Variants in SRPRB observed in about 807,000 individuals in gnomAD.
The protein encoded by SRPRB is signal recognition particle receptor subunit beta.
Under a neutral mutation model 31.9 loss-of-function variants are expected in SRPRB, and 20 were observed. The ratio of observed to expected loss-of-function variants is 0.63; its 90% CI spans 0.44 to 0.91. SRPRB has a LOEUF of 0.91. Among genes scored for constraint, SRPRB ranks in the 40% least tolerant of loss-of-function variants. The probability of loss-of-function intolerance (pLI) is 0.00; values close to 1 mark genes in which losing one functional copy is unlikely to be tolerated. For missense variants in SRPRB, 321 were observed against 324.9 expected (o/e 0.99, Z 0.09); for synonymous variants, 146 against 132.8 (o/e 1.10, Z -0.68).
chr3:133,789,085 T>A (rs906637994), intron 1 of SRPRB: 3 of 152,336 alleles, frequency 2.0e-5, no homozygotes, highest in Non-Finnish European at 4.4e-5. Context: ...CTGACACTCT[T>A]AAGACTGGAC....
chr3:133,811,781 A>T (rs1935267282), intron 4 of SRPRB, among the ~76,000 whole-genome samples: 3 of 152,102 alleles, frequency 2.0e-5, no homozygotes, highest in Middle Eastern at 3.4e-3. Context: ...ATGGGGTTTC[A>T]CCATGTTGGC....
chr3:133,810,236 A>G (rs1324176909), intron 3 of SRPRB: 3 of 152,230 alleles, frequency 2.0e-5, no homozygotes, highest in Non-Finnish European at 4.4e-5. Context: ...AGGTAAGGTC[A>G]TAATAAACCC....
downstream of SRPRB, chr3:133,825,203 T>C (rs1391941567): frequency 6.6e-6 from 1 of 152,166 alleles, no homozygotes; most frequent in Non-Finnish European, 1.5e-5. Context: ...CCTTCCATCT[T>C]GTGAAGGAAT....
At chr3:133,814,378 G>A (rs576632308) in intron 4 of SRPRB, among the ~76,000 whole-genome samples, 49 of 151,998 alleles carry the variant, frequency 3.2e-4, no homozygotes, top group Non-Finnish European at 3.4e-4. Flanking sequence ...TGATCCGCCC[G>A]CCTCGGCTTC....
chr3:133,819,749 C>T lies in SRPRB; in HGVS notation c.799C>T (p.Leu267=). 1 of 1,614,070 alleles carries T rather than the reference C, an allele frequency of 6.2e-7. No homozygotes were observed. Among genetic ancestry groups the T allele is most frequent in the Non-Finnish European group, 8.5e-7 (1 of 1,180,010 alleles). The change falls in exon 7 of 7, where the codon CTG becomes TTG. Residue 267 remains leucine (L), a synonymous_variant. Coordinates refer to ENST00000678299, the MANE Select transcript of SRPRB (RefSeq NM_001379313.1). ...SADIQDLEKW[L]AKIA Reference sequence around the variant, plus strand: ...TGACATCCAGGACTTGGAGAAATGGCTGGCTAAAATTGCCTGAGAGGCAGC... The same window carrying T: ...TGACATCCAGGACTTGGAGAAATGGTTGGCTAAAATTGCCTGAGAGGCAGC...
intron 5 of SRPRB, among the ~76,000 whole-genome samples, chr3:133,816,146 T>C (rs373978275): frequency 4.6e-5 from 7 of 152,314 alleles, no homozygotes; most frequent in East Asian, 1.9e-4. Flanking sequence ...CTGATAACCA[T>C]TGAAAACTTT....
intron 4 of SRPRB, among the ~76,000 whole-genome samples, 176 bp from the exon 5 acceptor site, chr3:133,815,414 T>C (rs928490426): frequency 2.0e-5 from 3 of 152,174 alleles, no homozygotes; most frequent in African/African-American, 7.2e-5. Context: ...TAGCACTCAA[T>C]AGTTCCTTGT....
At chr3:133,823,381 T>C (rs1218535096), downstream of SRPRB, among the ~76,000 whole-genome samples, 1 of 152,140 alleles carries the variant, frequency 6.6e-6, no homozygotes, top group Non-Finnish European at 1.5e-5. Context: ...TGCCTTAGCC[T>C]CCCCAAGTAG....
At position 133,819,821 on chromosome 3, in the gene SRPRB, G is replaced by C; in HGVS notation, c.*55G>C. On this transcript the variant is annotated 3_prime_UTR_variant, in exon 7 of 7. Coordinates refer to ENST00000678299, the MANE Select transcript of SRPRB (RefSeq NM_001379313.1). The stretch of plus-strand genomic sequence containing the variant: ...GTGTGACACACAGTTTTGGAAAAAG[G>C]TCTGTGGTAGTCTGGAGTTGATGAG... 1.3e-6 allele frequency: 2 copies of C among 1,504,868 alleles called. No individual in the cohort carries two copies. The highest frequency in any genetic ancestry group is 1.8e-6 in the Non-Finnish European group (2 of 1,097,244). 93.2% of individuals were successfully genotyped at this position (1,504,868 alleles called of 1,614,324 possible). A position where few individuals can be genotyped will look rare whatever the true frequency, so the allele number is the denominator to read the frequency against.
chr3:133,784,466 TAAAAA>T (rs67395906), intron 1 of SRPRB: 2 of 116,574 alleles, frequency 1.7e-5, no homozygotes, highest in Non-Finnish European at 3.4e-5. Context: ...TCCCATTTGT[TAAAAA>T]AATAATAATA....
intron 1 of SRPRB, chr3:133,794,947 C>T (rs1934929606): frequency 6.6e-6 from 1 of 152,182 alleles, no homozygotes; most frequent in African/African-American, 2.4e-5. Context: ...AGCTTTAGGT[C>T]CTTTTTCCAT....
chr3:133,824,057 C>T (rs73217237), downstream of SRPRB, among the ~76,000 whole-genome samples: 9,101 of 152,232 alleles, frequency 0.06, 364 homozygotes, highest in Non-Finnish European at 0.089. Flanking sequence ...TTTACCCCTT[C>T]GGAGTTGGTG....
chr3:133,807,669 G>A, intron 2 of SRPRB, 77 bp from the exon 3 acceptor site: 1 of 965,436 alleles, frequency 1.0e-6, no homozygotes, highest in Non-Finnish European at 1.7e-6. Context: ...CTTACACCTG[G>A]GAGACTTAGA....
At chr3:133,792,549 T>C (rs899168959) in intron 1 of SRPRB, 1 of 152,334 alleles carries the variant, frequency 6.6e-6, no homozygotes, top group African/African-American at 2.4e-5. Context: ...ACAACTAATA[T>C]ATAATTAAAA....
At chr3:133,827,898 G>A (rs1935595227), downstream of SRPRB, 3 of 702,752 alleles carry the variant, frequency 4.3e-6, no homozygotes, top group African/African-American at 1.7e-5. Context: ...ACTGACTGCT[G>A]GGTGGGCTGG....
intron 1 of SRPRB, chr3:133,792,398 C>T (rs771042694): frequency 1.3e-5 from 2 of 152,114 alleles, no homozygotes; most frequent in African/African-American, 2.4e-5. Flanking sequence ...GGTGATTAGA[C>T]CTCCTAAATG....
chr3:133,802,410 A>G (rs1168124880), upstream of SRPRB, among the ~76,000 whole-genome samples: 2 of 152,126 alleles, frequency 1.3e-5, no homozygotes, highest in Admixed American at 6.6e-5. Context: ...TGCCTGAAAA[A>G]AAAAATTAAA....
At chr3:133,805,239 A>G (rs1029947397), upstream of SRPRB, among the ~76,000 whole-genome samples, 6 of 152,112 alleles carry the variant, frequency 3.9e-5, no homozygotes, top group Non-Finnish European at 5.9e-5. Context: ...GGGGCACTGA[A>G]TTACTTAGGG....
chr3:133,817,487 A>G (rs1279269859), intron 6 of SRPRB, among the ~76,000 whole-genome samples: 1 of 152,218 alleles, frequency 6.6e-6, no homozygotes, highest in Non-Finnish European at 1.5e-5. Flanking sequence ...ATACTTGGCA[A>G]TATTATATAT....
Sources: gnomAD v4.1 joint callset for allele counts (sites outside exome capture counted in the v4.1 genomes callset) on GRCh38, gnomAD v4.1.1 for gene constraint, MANE v1.5 for transcripts, NCBI Gene and HGNC (gene_info 2026-07-23, HGNC 2026-07-21) for gene names.